Variants in MROH2B observed in about 807,000 individuals in gnomAD.
MROH2B encodes the protein maestro heat-like repeat-containing protein family member 2B.
MROH2B carries 177 observed loss-of-function variants against 208.6 expected under a neutral mutation model. The observed-to-expected ratio is 0.85, with a 90% CI of 0.75 to 0.96. The LOEUF is 0.96. Among genes scored for constraint, MROH2B ranks in the 40% least tolerant of loss-of-function variants. The probability of loss-of-function intolerance (pLI) is 0.00; values close to 1 mark genes in which losing one functional copy is unlikely to be tolerated. For synonymous variants in MROH2B, 728 were observed against 659.0 expected (o/e 1.10, Z -1.60); for missense variants, 2,002 against 1,878.7 (o/e 1.07, Z -1.21).
intron 40 of MROH2B, 75 bp from the exon 41 acceptor site, chr5:40,998,752 T>C: frequency 8.3e-7 from 1 of 1,198,604 alleles, no homozygotes; most frequent in Non-Finnish European, 1.2e-6. Context: ...CAGGTTAGAC[T>C]CTGCACCTGG....
intron 19 of MROH2B, among the ~76,000 whole-genome samples, chr5:41,040,104 C>T (rs1324883276): frequency 6.6e-6 from 1 of 152,174 alleles, no homozygotes; most frequent in African/African-American, 2.4e-5. Context: ...TTTAGGCCGT[C>T]CCCAAGATTT....
chr5:41,007,276 T>C (rs1561275532), intron 34 of MROH2B, 38 bp downstream of exon 34: 1 of 1,368,570 alleles, frequency 7.3e-7, no homozygotes, highest in Non-Finnish European at 9.5e-7. Flanking sequence ...GTTTTTGTTT[T>C]CTTCTTTGTA....
intron 37 of MROH2B, among the ~76,000 whole-genome samples, chr5:41,001,972 C>T (rs1322346821): frequency 6.6e-6 from 1 of 151,996 alleles, no homozygotes; most frequent in African/African-American, 2.4e-5. Context: ...TAATATAGAT[C>T]TTCTAAAAAA....
chr5:41,040,904 A>G (rs1048364930), intron 19 of MROH2B, among the ~76,000 whole-genome samples: 1 of 152,074 alleles, frequency 6.6e-6, no homozygotes, highest in Non-Finnish European at 1.5e-5. Context: ...TGACCTCGTG[A>G]TCTGCCTGCC....
intron 39 of MROH2B, 64 bp from the exon 40 acceptor site, chr5:40,999,843 C>G (rs1741329312): frequency 6.9e-7 from 1 of 1,448,188 alleles, no homozygotes; most frequent in South Asian, 1.2e-5. Flanking sequence ...ATTTGGCATC[C>G]TATAGGTCCT....
In MROH2B at chr5:41,065,321, C is replaced by T. The variant is rs1743767404; in HGVS notation, c.361+10G>A. The T allele has an allele frequency of 1.9e-6, 3 of 1,601,706 alleles. No homozygotes were observed. Among genetic ancestry groups the T allele is most frequent in the African/African-American group, 1.3e-5 (1 of 74,524 alleles). ...TTCCCAGGGAAAATTGGAGAATATT[C>T]CCGCTATACCATAGCTGGTTGCCAA... On this transcript the variant is annotated intron_variant, in intron 4 of 41. Transcript: ENST00000399564.
At chr5:41,019,122 G>T in intron 24 of MROH2B, 104 bp from the exon 25 acceptor site, 2 of 1,429,430 alleles carry the variant, frequency 1.4e-6, no homozygotes, top group Non-Finnish European at 1.9e-6. Context: ...GGCAACTAAC[G>T]TGTCACATTT....
intron 24 of MROH2B, among the ~76,000 whole-genome samples, chr5:41,022,208 C>G (rs978626233): frequency 2.0e-5 from 3 of 152,108 alleles, no homozygotes; most frequent in South Asian, 2.1e-4. Flanking sequence ...GGGGGCAGGA[C>G]AGTGGGTGCA....
At position 41,000,282 on chromosome 5, in the gene MROH2B, G is replaced by T. The variant is rs866826423; in HGVS notation, c.4420C>A (p.Arg1474Ser). ...CTTGGTAGATCCTGATCAAGGAGAC[G>T]GTCTAATACCCCATAGAGCTCCTGG... ...GLQELYGVLD[R>S]LLDQDLPRAR... Residue 1474 changes from arginine to serine, a missense_variant, in exon 39 of 42, where the codon CGT becomes AGT. By Grantham distance (110) the Arg-to-Ser change is moderately radical. Coordinates refer to ENST00000399564, the MANE Select transcript of MROH2B (RefSeq NM_173489.5). 2 of 1,613,650 alleles carry T rather than the reference G, an allele frequency of 1.2e-6. No individual in the cohort carries two copies. The highest frequency in any genetic ancestry group is 1.7e-6 in the Non-Finnish European group (2 of 1,179,820).
At chr5:41,033,537 T>G (rs960099784) in intron 22 of MROH2B, among the ~76,000 whole-genome samples, 17 of 152,150 alleles carry the variant, frequency 1.1e-4, no homozygotes, top group African/African-American at 4.1e-4. Context: ...AAAGAATTTT[T>G]CTGGTTGTGA....
intron 12 of MROH2B, 107 bp downstream of exon 12, chr5:41,052,353 TTACTC>T (rs1205585873): frequency 1.1e-4 from 112 of 1,020,996 alleles, no homozygotes; most frequent in East Asian, 2.4e-4. Flanking sequence ...TATTTATTTT[TTACTC>T]TACTCCTGTG....
chr5:41,039,034 C>T (rs1351315834), intron 20 of MROH2B, 146 bp from the exon 21 acceptor site: 24 of 743,680 alleles, frequency 3.2e-5, no homozygotes, highest in Middle Eastern at 6.3e-4. Flanking sequence ...AATATACTCT[C>T]GCCTGTTTAA....
chr5:41,030,753 G>A (rs1259847174), intron 24 of MROH2B, among the ~76,000 whole-genome samples: 1 of 152,046 alleles, frequency 6.6e-6, no homozygotes, highest in African/African-American at 2.4e-5. Context: ...CATGGCACTG[G>A]TATAAAAATA....
chr5:41,057,284 A>T lies in MROH2B; in HGVS notation c.833T>A (p.Ile278Asn). The T allele has an allele frequency of 1.9e-6, 3 of 1,600,344 alleles. No homozygotes were observed. The highest frequency in any genetic ancestry group is 1.3e-5 in the African/African-American group (1 of 74,870). ...LPRSLRRSIF[I>N]NLLQQICRAP... ...TCTTCTTACCTGCTGGAGTAAATTG[A>T]TAAAGATGGATCTTCTCAAGCTCCT... The change falls in exon 8 of 42, where the codon ATC becomes AAC. Residue 278 changes from isoleucine (I) to asparagine (N), a missense_variant. Coordinates refer to ENST00000399564, the MANE Select transcript of MROH2B (RefSeq NM_173489.5).
chr5:41,064,468 C>G lies in MROH2B; in HGVS notation c.460+4G>C. The G allele has an allele frequency of 6.2e-7, 1 of 1,611,442 alleles. No homozygotes were observed. The highest frequency in any genetic ancestry group is 8.5e-7 in the Non-Finnish European group (1 of 1,178,364). On this transcript the variant is annotated splice_donor_region_variant and intron_variant, in intron 5 of 41. Coordinates refer to ENST00000399564, the MANE Select transcript of MROH2B (RefSeq NM_173489.5). ...AGCAAAAAGGAAATCATCGGGATACCCACCAATACAGAAAGTCCCCTTCAT... is the reference window on the plus strand; with the variant it reads ...AGCAAAAAGGAAATCATCGGGATACGCACCAATACAGAAAGTCCCCTTCAT...
chr5:41,058,939 T>C (rs552259760), intron 6 of MROH2B, among the ~76,000 whole-genome samples: 26 of 151,400 alleles, frequency 1.7e-4, no homozygotes, highest in African/African-American at 4.8e-4. Flanking sequence ...TCCCAGCTAC[T>C]TGGGAGGCCG....
intron 17 of MROH2B, among the ~76,000 whole-genome samples, chr5:41,047,005 G>T (rs1416167940): frequency 6.6e-6 from 1 of 152,116 alleles, no homozygotes; most frequent in Non-Finnish European, 1.5e-5. Flanking sequence ...GAGTACTGTG[G>T]AGAGATCATT....
intron 21 of MROH2B, among the ~76,000 whole-genome samples, chr5:41,037,892 G>A (rs903424942): frequency 3.3e-5 from 5 of 152,150 alleles, no homozygotes; most frequent in African/African-American, 1.2e-4. Context: ...TGGCCAGCCT[G>A]GTATTTGTCA....
chr5:41,044,839 T>C (rs1305007578), intron 18 of MROH2B, among the ~76,000 whole-genome samples: 1 of 152,204 alleles, frequency 6.6e-6, no homozygotes, highest in Non-Finnish European at 1.5e-5. Context: ...ATGAATGGTA[T>C]TAGCATAATA....
Sources: allele counts gnomAD v4.1 joint callset (sites outside exome capture counted in the v4.1 genomes callset), GRCh38; gene constraint gnomAD v4.1.1; transcripts MANE v1.5; gene names NCBI Gene and HGNC (gene_info 2026-07-23, HGNC 2026-07-21).